The following TCF7L2 variants were observed in gnomAD, a reference collection of about 807,000 sequenced individuals.
The protein encoded by TCF7L2 is transcription factor 7-like 2.
Under a neutral mutation model 77.9 loss-of-function variants are expected in TCF7L2, and 23 were observed. That is an observed-to-expected ratio of 0.30 (90% CI 0.21 to 0.42). TCF7L2 has a LOEUF of 0.42. TCF7L2 is among the 10% of genes least tolerant of loss of function. The pLI, the probability that TCF7L2 is intolerant of heterozygous loss-of-function variation, is 1.00. For missense variants in TCF7L2, 654 were observed against 793.1 expected, an observed-to-expected ratio of 0.82 and a Z score of 2.11; for synonymous variants, 413 against 340.2, an observed-to-expected ratio of 1.21 and a Z score of -2.36.
chr10:113,144,599 T>C (rs1402251433), intron 7 of TCF7L2, among the ~76,000 whole-genome samples: 1 of 152,168 alleles, frequency 6.6e-6, no homozygotes, highest in Non-Finnish European at 1.5e-5. Context: ...TGGAAAGTTT[T>C]GTCTGTTGAG....
intron 5 of TCF7L2, among the ~76,000 whole-genome samples, chr10:113,106,933 C>T (rs2062398490): frequency 6.6e-6 from 1 of 152,214 alleles, no homozygotes; most frequent in Admixed American, 6.5e-5. Context: ...GGTTGTGGAT[C>T]ACCAGTTCTC....
chr10:112,953,795 A>G (rs1415304789), intron 3 of TCF7L2, among the ~76,000 whole-genome samples: 2 of 152,366 alleles, frequency 1.3e-5, no homozygotes, highest in South Asian at 2.1e-4. Context: ...TTATAGGAAT[A>G]GACGGCGTCT....
At chr10:113,137,119 G>T (rs1592178247) in intron 5 of TCF7L2, among the ~76,000 whole-genome samples, 1 of 152,112 alleles carries the variant, frequency 6.6e-6, no homozygotes, top group South Asian at 2.1e-4. Context: ...AAAATATATG[G>T]ATTAATTAAA....
At chr10:112,998,739 G>A (rs927122529) in intron 4 of TCF7L2, among the ~76,000 whole-genome samples, 2 of 152,184 alleles carry the variant, frequency 1.3e-5, no homozygotes, top group Admixed American at 1.3e-4. Flanking sequence ...AGAAGCTTGG[G>A]CACTTCACTG....
chr10:113,138,993 C>T (rs949457324), intron 5 of TCF7L2, among the ~76,000 whole-genome samples: 6 of 152,090 alleles, frequency 3.9e-5, no homozygotes, highest in Non-Finnish European at 5.9e-5. Flanking sequence ...CCATGTGATC[C>T]TTCTCCTGGC....
rs545837969 is a variant in TCF7L2, at chr10:113,049,726, G to C, written c.552+9600G>C. 2.6e-5 allele frequency among the ~76,000 whole-genome samples: 4 copies of C among 152,272 alleles called. No homozygotes were observed. In the South Asian group the frequency reaches 8.3e-4, roughly 32 times the overall value. On this transcript the variant is annotated intron_variant, in intron 5 of 13. Transcript: ENST00000627217. ...TCGGGATAAATTTTATCTCTGGAAA[G>C]AGTCCCAAAGCAGCGATGAACAGAT...
At chr10:113,148,866 C>T (rs1244965548) in intron 8 of TCF7L2, among the ~76,000 whole-genome samples, 1 of 152,144 alleles carries the variant, frequency 6.6e-6, no homozygotes, top group Non-Finnish European at 1.5e-5. Context: ...AGAAATGTGC[C>T]TTCTTCATGG....
chr10:113,066,626 G>T (rs1347139790), intron 5 of TCF7L2, among the ~76,000 whole-genome samples: 2 of 152,200 alleles, frequency 1.3e-5, no homozygotes, highest in African/African-American at 2.4e-5. Context: ...ATCAAAAATG[G>T]GTGGAACCTA....
intron 4 of TCF7L2, among the ~76,000 whole-genome samples, chr10:113,007,361 C>T (rs2045743771): frequency 6.6e-6 from 1 of 152,256 alleles, no homozygotes; most frequent in Admixed American, 6.5e-5. Flanking sequence ...GCCTCTGGAG[C>T]TGGCTCCCTT....
In TCF7L2 at chr10:112,952,717, A is replaced by G. The variant is rs1035979415; in HGVS notation, c.381+1110A>G. Among the ~76,000 whole-genome samples the G allele has an allele frequency of 2.6e-5, 4 of 151,576 alleles. No homozygotes were observed. The East Asian group carries it at 7.9e-4, about 30-fold the overall frequency. On this transcript the variant is annotated intron_variant, in intron 3 of 13. Transcript: ENST00000627217. ...TGGGCCGCCGATCGCCGGCCACCCA[A>G]CTTTGGGGGCCCCAGGGCAGCGCGG...
In TCF7L2 at chr10:113,165,731, C is replaced by T. The variant is rs774587800; in HGVS notation, c.1568C>T (p.Pro523Leu). 6.2e-7 allele frequency: 1 copy of T among 1,612,960 alleles called. No individual in the cohort carries two copies. The change falls in exon 14 of 14, where the codon CCC becomes CTC. Residue 523 changes from proline to leucine, a missense_variant. By Grantham distance (98) the Pro-to-Leu change is moderately conservative. Around this residue, in one of 6 missense-constraint regions of TCF7L2, gnomAD observed 272 missense variants for 215.4 expected, o/e 1.26. Transcript: ENST00000627217. ...CAGCCTCTGTCGCTGTCCCTGAAGC[C>T]CGACCCCCTGGCCCACCTGTCCATG... is the stretch of plus-strand genomic sequence containing the variant.
At chr10:113,044,515 T>C (rs1324513896) in intron 5 of TCF7L2, among the ~76,000 whole-genome samples, 1 of 152,210 alleles carries the variant, frequency 6.6e-6, no homozygotes, top group Non-Finnish European at 1.5e-5. Context: ...TGCTGCCTGC[T>C]GAGCACCAGC....
At chr10:113,116,418 A>G (rs1292362945) in intron 5 of TCF7L2, among the ~76,000 whole-genome samples, 1 of 152,226 alleles carries the variant, frequency 6.6e-6, no homozygotes, top group Non-Finnish European at 1.5e-5. Flanking sequence ...TTGTAGTGTA[A>G]TAGTGCAAAC....
intron 2 of TCF7L2, 83 bp from the exon 3 acceptor site, chr10:112,951,400 C>CG: frequency 8.1e-7 from 1 of 1,241,200 alleles, no homozygotes; most frequent in Non-Finnish European, 1.0e-6. Flanking sequence ...CCCGGCCCCT[C>CG]GGGGCACTTT....
intron 5 of TCF7L2, among the ~76,000 whole-genome samples, chr10:113,115,656 GA>G (rs1379868008): frequency 6.6e-6 from 1 of 152,196 alleles, no homozygotes; most frequent in African/African-American, 2.4e-5. Flanking sequence ...GGCTGAAGTA[GA>G]AGGGGCACTT....
intron 8 of TCF7L2, among the ~76,000 whole-genome samples, chr10:113,147,606 AG>A (rs1239431605): frequency 6.6e-6 from 1 of 152,208 alleles, no homozygotes; most frequent in Non-Finnish European, 1.5e-5. Flanking sequence ...GGGAATGAGT[AG>A]GGGGTCTCCC....
chr10:113,151,408 C>T lies in TCF7L2; in HGVS notation c.1001+285C>T, dbSNP rs2070736029. ...CCTGCCCCCTAACCGCATCATTGAA[C>T]ATTTAGAGCTTTGTTCTGCAAGCAG... On this transcript the variant is annotated intron_variant, in intron 9 of 13. Transcript: ENST00000627217. The surrounding 1 kb of genome is among the most constrained non-coding windows in gnomAD (Gnocchi z 5.2). 6.6e-6 allele frequency among the ~76,000 whole-genome samples: 1 copy of T among 152,042 alleles called. No homozygotes were observed. Among genetic ancestry groups the T allele is most frequent in the Non-Finnish European group, 1.5e-5 (1 of 68,022 alleles).
intron 4 of TCF7L2, among the ~76,000 whole-genome samples, chr10:112,965,744 A>G (rs533471969): frequency 4.0e-5 from 6 of 151,864 alleles, no homozygotes; most frequent in Admixed American, 1.3e-4. Flanking sequence ...ATCTTCCTTG[A>G]TAAGACTTCC....
intron 5 of TCF7L2, chr10:113,129,360 C>A: frequency 3.0e-6 from 3 of 989,410 alleles, no homozygotes; most frequent in Non-Finnish European, 3.6e-6. Context: ...CAGCTCTGTC[C>A]CTGCTGCCCA....
Sources: gnomAD v4.1 joint callset for allele counts (sites outside exome capture counted in the v4.1 genomes callset) on GRCh38, gnomAD v4.1.1 for gene constraint, gnomAD v4.1.1 regional missense constraint, Gnocchi (gnomAD v3.1) non-coding constraint, MANE v1.5 for transcripts, NCBI Gene and HGNC (gene_info 2026-07-23, HGNC 2026-07-21) for gene names.